Variants in PHACTR2 observed in about 807,000 individuals in gnomAD.
PHACTR2 encodes the protein chromosome 6 open reading frame 56.
A neutral mutation model predicts 76.0 loss-of-function variants in PHACTR2; 30 were observed. That is an observed-to-expected ratio of 0.39 (90% confidence interval 0.30 to 0.54). PHACTR2 has a LOEUF of 0.54. PHACTR2 is among the 20% of genes least tolerant of loss of function. The probability of loss-of-function intolerance (pLI) is 0.61; values close to 1 mark genes in which losing one functional copy is unlikely to be tolerated. For missense variants in PHACTR2, 696 were observed against 781.1 expected (o/e 0.89, Z 1.30); for synonymous variants, 292 against 292.5 (o/e 1.00, Z 0.02).
chr6:143,817,959 T>TTGCATA (rs1776335431), intron 12 of PHACTR2, among the ~76,000 whole-genome samples: 1 of 152,130 alleles, frequency 6.6e-6, no homozygotes, highest in Non-Finnish European at 1.5e-5. Flanking sequence ...TAATAATTTA[T>TTGCATA]TGCATATGTT....
At chr6:143,756,565 G>A (rs892121181) in intron 4 of PHACTR2, among the ~76,000 whole-genome samples, 3 of 139,140 alleles carry the variant, frequency 2.2e-5, no homozygotes, top group Non-Finnish European at 3.2e-5. Context: ...CGGGCGTGGT[G>A]GCGGGCGCCT....
chr6:143,720,498 T>C (rs1778414145), intron 2 of PHACTR2, among the ~76,000 whole-genome samples: 1 of 152,110 alleles, frequency 6.6e-6, no homozygotes, highest in African/African-American at 2.4e-5. Flanking sequence ...GAGTTAGCAA[T>C]AGCATGCACT....
In PHACTR2 at chr6:143,765,602, C is replaced by A. The variant is rs1339440642; in HGVS notation, c.1036C>A (p.Pro346Thr). 6.2e-7 allele frequency: 1 copy of A among 1,614,082 alleles called. No individual in the cohort carries two copies. Among genetic ancestry groups the A allele is most frequent in the South Asian group, 1.1e-5 (1 of 91,086 alleles). ...ACCCCCTGTGGCTCCAGCACCTTCTCCTCTGGCCCCCCCTCTCCCTCTTGA... is the reference window on the plus strand; with the variant it reads ...ACCCCCTGTGGCTCCAGCACCTTCTACTCTGGCCCCCCCTCTCCCTCTTGA... ...PPPPVAPAPS[P>T]LAPPLPLEDQ... is the part of the protein sequence containing the mutation. The change falls in exon 6 of 13, where the codon CCT becomes ACT. Residue 346 changes from proline (P) to threonine (T), a missense_variant. By Grantham distance (38) the Pro-to-Thr change is conservative. This residue lies in a region of PHACTR2 where 460 missense variants were observed against 450.9 expected (regional missense o/e 1.02). Coordinates refer to ENST00000440869, the MANE Select transcript of PHACTR2 (RefSeq NM_001100164.2). The surrounding 1 kb of genome is among the most constrained non-coding windows in gnomAD (Gnocchi z 4.1).
At chr6:143,540,230 G>A (rs6930487) in intron 1 of PHACTR2, among the ~76,000 whole-genome samples, 31,376 of 151,984 alleles carry the variant, frequency 0.21, 4,117 homozygotes, top group South Asian at 0.41. Context: ...CCCTGCTGTG[G>A]GTCCTTAGAA....
intron 1 of PHACTR2, among the ~76,000 whole-genome samples, chr6:143,701,424 G>A (rs981599720): frequency 1.3e-5 from 2 of 152,146 alleles, no homozygotes; most frequent in Non-Finnish European, 2.9e-5. Flanking sequence ...ACTGCCTGCC[G>A]CCAGCGTGAA....
intron 4 of PHACTR2, among the ~76,000 whole-genome samples, chr6:143,756,527 C>G (rs998037888): frequency 1.3e-5 from 2 of 151,446 alleles, no homozygotes; most frequent in African/African-American, 4.9e-5. Context: ...AACCCCGTCT[C>G]TACTAAAAAT....
intron 1 of PHACTR2, among the ~76,000 whole-genome samples, chr6:143,560,093 C>T (rs1375537357): frequency 6.6e-6 from 1 of 152,080 alleles, no homozygotes; most frequent in African/African-American, 2.4e-5. Flanking sequence ...ATTTCTTGCA[C>T]ATTTGGGAGT....
In PHACTR2 at chr6:143,764,052, G is replaced by A. The variant is rs903461294; in HGVS notation, c.695-1209G>A. ...AAAGAAAAAAGTAGTTAATCTTTTT[G>A]TTTTGAAACTGTTTTGATTGAGGGT... On this transcript the variant is annotated intron_variant, in intron 5 of 12. Coordinates refer to ENST00000440869, the MANE Select transcript of PHACTR2 (RefSeq NM_001100164.2). This position sits in a 1 kb window ranked among gnomAD's most constrained non-coding sequence, Gnocchi z 4.7. 7.7e-4 allele frequency among the ~76,000 whole-genome samples: 117 copies of A among 152,250 alleles called. No homozygotes were observed. Among genetic ancestry groups the A allele is most frequent in the African/African-American group, 2.7e-3 (112 of 41,556 alleles).
rs1410799836 is a variant in PHACTR2, at chr6:143,589,134, G to T, written c.217+51927G>T. On this transcript the variant is annotated intron_variant, in intron 1 of 11. Coordinates refer to the PHACTR2 transcript ENST00000367584. This position sits in a 1 kb window ranked among gnomAD's most constrained non-coding sequence, Gnocchi z 4.4. ...AAGTCCAAGATCAAGGTGTTAGCAG[G>T]TATGGTCTCTTCCTAGGTATCTCTC... Among the ~76,000 whole-genome samples the T allele has an allele frequency of 2.0e-5, 3 of 152,152 alleles. No individual in the cohort carries two copies. The highest frequency in any genetic ancestry group is 4.4e-5 in the Non-Finnish European group (3 of 68,026).
At chr6:143,538,093 TACACACACAC>T (rs34308001) in intron 1 of PHACTR2, among the ~76,000 whole-genome samples, 3 of 150,562 alleles carry the variant, frequency 2.0e-5, no homozygotes, top group Admixed American at 1.3e-4. Context: ...GACTCCGTCT[TACACACACAC>T]ACACACACAC....
At chr6:143,711,832 T>C in intron 1 of PHACTR2, 184 bp from the exon 2 acceptor site, 1 of 753,398 alleles carries the variant, frequency 1.3e-6, no homozygotes, top group Non-Finnish European at 2.4e-6. Context: ...TGGGCTGTAA[T>C]TTCTGATTGA....
chr6:143,679,042 A>G lies in PHACTR2; in HGVS notation c.46+833A>G, dbSNP rs1263651379. Among the ~76,000 whole-genome samples the G allele has an allele frequency of 6.6e-6, 1 of 152,208 alleles. No homozygotes were observed. Among genetic ancestry groups the G allele is most frequent in the African/African-American group, 2.4e-5 (1 of 41,450 alleles). ...ATTTTTCCATCAACGATTAAAAATA[A>G]ATAATACTCGAAGGGACCGTTTATG... On this transcript the variant is annotated intron_variant, in intron 1 of 12. Transcript: ENST00000440869. This position sits in a 1 kb window ranked among gnomAD's most constrained non-coding sequence, Gnocchi z 4.6.
Position 143,774,310 on chromosome 6 carries a change from G to A in PHACTR2, c.1589+95G>A, listed in dbSNP as rs1472016023. 6.4e-6 allele frequency: 6 copies of A among 936,128 alleles called. No individual in the cohort carries two copies. In the African/African-American group the frequency reaches 1.0e-4, roughly 16 times the overall value. The allele number at this position is 936,128 out of a possible 1,614,324, so 58.0% of individuals were successfully genotyped here. On this transcript the variant is annotated intron_variant, in intron 8 of 12. Transcript: ENST00000440869. The surrounding 1 kb of genome is among the most constrained non-coding windows in gnomAD (Gnocchi z 5.4). ...ACTGGGGTCATTGTGAATTCCTTAT[G>A]TACAGATACATCTGGCCTACTGGGT...
chr6:143,584,167 T>C (rs569040317), intron 1 of PHACTR2, among the ~76,000 whole-genome samples: 19 of 152,202 alleles, frequency 1.2e-4, no homozygotes, highest in Non-Finnish European at 2.5e-4. Flanking sequence ...CTTTTTACCC[T>C]GCATCATGCT....
chr6:143,744,124 C>A (rs2128468627), intron 2 of PHACTR2, among the ~76,000 whole-genome samples: 1 of 152,288 alleles, frequency 6.6e-6, no homozygotes, highest in South Asian at 2.1e-4. Flanking sequence ...GAGCTCCCTT[C>A]TTCAGTGCAT....
At chr6:143,567,618 C>T (rs1056453421) in intron 1 of PHACTR2, among the ~76,000 whole-genome samples, 5 of 152,202 alleles carry the variant, frequency 3.3e-5, no homozygotes, top group East Asian at 1.9e-4. Context: ...AGGCTGGTCT[C>T]GATCTCCTGA....
At chr6:143,613,120 G>C (rs1240051430) in intron 1 of PHACTR2, among the ~76,000 whole-genome samples, 2 of 152,202 alleles carry the variant, frequency 1.3e-5, no homozygotes, top group African/African-American at 4.8e-5. Context: ...GGGACTACAG[G>C]CGCCTGCCCC....
In PHACTR2 at chr6:143,754,357, G is replaced by A. The variant is rs559529691; in HGVS notation, c.454+445G>A. Among the ~76,000 whole-genome samples the A allele has an allele frequency of 6.6e-6, 1 of 152,264 alleles. No individual in the cohort carries two copies. The highest frequency in any genetic ancestry group is 2.4e-5 in the African/African-American group (1 of 41,554). ...CAGCCCAGCACTGTCTCCAGCAGTG[G>A]GAACTTGGCAGGTGGCATCCACATA... On this transcript the variant is annotated intron_variant, in intron 4 of 12. Transcript: ENST00000440869. The surrounding 1 kb of genome is among the most constrained non-coding windows in gnomAD (Gnocchi z 6.2).
rs767744769 is a variant in PHACTR2 at position 143,794,825 on chromosome 6, A to T, written c.1845+5915A>T. Among the ~76,000 whole-genome samples, 11 of 152,058 alleles carry T rather than the reference A, an allele frequency of 7.2e-5. No individual in the cohort carries two copies. Among genetic ancestry groups the T allele is most frequent in the Admixed American group, 7.2e-4 (11 of 15,262 alleles). On this transcript the variant is annotated intron_variant, in intron 11 of 12. Transcript: ENST00000440869. The surrounding 1 kb of genome is among the most constrained non-coding windows in gnomAD (Gnocchi z 4.1). ...TGAACCAAACCAAACAAACAAACAA[A>T]CAAAAAATGAGCTTCCTTTCAGCCT...
Sources: allele counts gnomAD v4.1 joint callset (sites outside exome capture counted in the v4.1 genomes callset), GRCh38; gene constraint gnomAD v4.1.1; regional missense constraint gnomAD v4.1.1; non-coding constraint Gnocchi (gnomAD v3.1); transcripts MANE v1.5; gene names NCBI Gene and HGNC (gene_info 2026-07-23, HGNC 2026-07-21).